Variants in NTRK2 observed in about 807,000 individuals in gnomAD.
NTRK2 encodes BDNF/NT-3 growth factors receptor.
Under a neutral mutation model 94.5 loss-of-function variants are expected in NTRK2, and 13 were observed. The ratio of observed to expected loss-of-function variants is 0.14; its 90% CI spans 0.09 to 0.22. NTRK2 has a LOEUF of 0.22. Ranked by LOEUF, NTRK2 falls within the 10% of genes least tolerant of loss-of-function variation. NTRK2 has a pLI of 1.00. For missense variants in NTRK2, 639 were observed against 1,071.2 expected, an observed-to-expected ratio of 0.60 and a Z score of 5.63; for synonymous variants, 372 against 407.4, an observed-to-expected ratio of 0.91 and a Z score of 1.05.
At chr9:84,813,910 ACCCT>A in intron 12 of NTRK2, 1 of 1,065,436 alleles carries the variant, frequency 9.4e-7, no homozygotes, top group Non-Finnish European at 1.1e-6. Flanking sequence ...GCCTCCAGAG[ACCCT>A]CTCAGGCTGC....
intron 16 of NTRK2, among the ~76,000 whole-genome samples, chr9:84,952,499 GT>G (rs1368321327): frequency 1.3e-5 from 2 of 152,170 alleles, no homozygotes; most frequent in Non-Finnish European, 2.9e-5. Context: ...GATGAAATGT[GT>G]TTTGATTTCT....
chr9:84,991,837 C>A (rs1588134166), intron 17 of NTRK2, among the ~76,000 whole-genome samples: 2 of 152,262 alleles, frequency 1.3e-5, no homozygotes, highest in Middle Eastern at 3.4e-3. Context: ...GGTCGAGATG[C>A]AATGAAGCAA....
At chr9:84,917,819 G>A (rs2077441196) in intron 14 of NTRK2, among the ~76,000 whole-genome samples, 2 of 152,140 alleles carry the variant, frequency 1.3e-5, no homozygotes, top group South Asian at 4.1e-4. Context: ...AAACAGTCAG[G>A]CGCCAGAGAG....
chr9:84,799,761 C>A (rs977090095), intron 12 of NTRK2, among the ~76,000 whole-genome samples: 35 of 152,056 alleles, frequency 2.3e-4, no homozygotes, highest in African/African-American at 8.5e-4. Flanking sequence ...AACAAGAAAT[C>A]TAACAGTTCA....
At chr9:84,811,619 A>T in intron 12 of NTRK2, 1 of 1,065,422 alleles carries the variant, frequency 9.4e-7, no homozygotes, top group African/African-American at 1.6e-5. Flanking sequence ...GATTCTAAGA[A>T]GGATAGTCCC....
intron 2 of NTRK2, among the ~76,000 whole-genome samples, chr9:84,676,524 A>C (rs1240843811): frequency 6.6e-6 from 1 of 152,294 alleles, no homozygotes; most frequent in Admixed American, 6.5e-5. Context: ...CCTCAGAAAG[A>C]GAAAGGGCTT....
rs192876015 is a variant in NTRK2, at chr9:84,706,752, G to A, written c.360-1092G>A. 5.4e-3 allele frequency among the ~76,000 whole-genome samples: 824 copies of A among 151,608 alleles called. 11 individuals are homozygous for A. The highest frequency in any genetic ancestry group is 0.019 in the African/African-American group (785 of 41,314). ...TCACTGTGTTAGCCAGGATGGTCTCGATCTCCTGACCTCATGATCCACCCA... is the reference window on the plus strand; with the variant it reads ...TCACTGTGTTAGCCAGGATGGTCTCAATCTCCTGACCTCATGATCCACCCA... On this transcript the variant is annotated intron_variant, in intron 4 of 18. Coordinates refer to ENST00000277120, the MANE Select transcript of NTRK2 (RefSeq NM_006180.6).
chr9:84,995,729 T>C (rs892707982), intron 17 of NTRK2, among the ~76,000 whole-genome samples: 1 of 152,176 alleles, frequency 6.6e-6, no homozygotes, highest in Non-Finnish European at 1.5e-5. Flanking sequence ...GGAATATGTG[T>C]TGGTTGTGTT....
rs1255023654 is a variant in NTRK2 at position 85,021,541 on chromosome 9, A to G, written c.*104A>G. 1.2e-5 allele frequency: 13 copies of G among 1,113,560 alleles called. No individual in the cohort carries two copies. In the East Asian group the frequency reaches 3.1e-4, roughly 26 times the overall value. 69.0% of individuals were successfully genotyped at this position (1,113,560 alleles called of 1,614,324 possible). On this transcript the variant is annotated 3_prime_UTR_variant, in exon 19 of 19. Transcript: ENST00000277120. ...GGAGGCCACCAAGCTGCTCTCCTTC[A>G]CTCTGACAGTATTAACATCAAAGAC...
chr9:84,751,251 A>G (rs2064577432), intron 11 of NTRK2, among the ~76,000 whole-genome samples: 1 of 152,208 alleles, frequency 6.6e-6, no homozygotes, highest in Non-Finnish European at 1.5e-5. Context: ...TAGAGAGAAT[A>G]GTAAAATGAA....
chr9:84,842,190 T>C (rs1248606896), intron 12 of NTRK2, among the ~76,000 whole-genome samples: 2 of 152,174 alleles, frequency 1.3e-5, no homozygotes, highest in Non-Finnish European at 2.9e-5. Flanking sequence ...TGTCTGGGTA[T>C]AGGACGTACT....
intron 9 of NTRK2, among the ~76,000 whole-genome samples, chr9:84,739,741 C>T (rs552816814): frequency 1.4e-4 from 21 of 152,144 alleles, no homozygotes; most frequent in Non-Finnish European, 2.8e-4. Context: ...AGCCCCAGAA[C>T]TAGAAAAAGC....
intron 9 of NTRK2, among the ~76,000 whole-genome samples, chr9:84,728,309 CA>C (rs2062605787): frequency 6.6e-6 from 1 of 152,000 alleles, no homozygotes; most frequent in African/African-American, 2.4e-5. Flanking sequence ...GTCACAGGGC[CA>C]AAGCCAAGTT....
At chr9:84,897,753 C>T (rs1351892544) in intron 14 of NTRK2, among the ~76,000 whole-genome samples, 1 of 152,200 alleles carries the variant, frequency 6.6e-6, no homozygotes, top group African/African-American at 2.4e-5. Context: ...TCTGCCTGGT[C>T]GTGCATGTGT....
intron 17 of NTRK2, among the ~76,000 whole-genome samples, chr9:85,018,437 G>C (rs565757477): frequency 6.6e-6 from 1 of 152,176 alleles, no homozygotes; most frequent in African/African-American, 2.4e-5. Flanking sequence ...CAAGGTGGCA[G>C]CAGCATCCCT....
intron 12 of NTRK2, among the ~76,000 whole-genome samples, chr9:84,775,492 A>T (rs966711668): frequency 8.5e-5 from 13 of 152,332 alleles, no homozygotes; most frequent in African/African-American, 3.1e-4. Flanking sequence ...TGCTTGCTAC[A>T]GTCCACAGAC....
intron 12 of NTRK2, among the ~76,000 whole-genome samples, chr9:84,779,313 A>G (rs1382315225): frequency 6.6e-6 from 1 of 152,170 alleles, no homozygotes; most frequent in Non-Finnish European, 1.5e-5. Flanking sequence ...CCCACGTCCA[A>G]GGGGGCTTGT....
At chr9:84,837,936 A>C (rs572759965) in intron 12 of NTRK2, among the ~76,000 whole-genome samples, 1 of 152,232 alleles carries the variant, frequency 6.6e-6, no homozygotes, top group Non-Finnish European at 1.5e-5. Flanking sequence ...CCATTATTTT[A>C]TCACATCCTG....
intron 12 of NTRK2, among the ~76,000 whole-genome samples, chr9:84,781,946 G>A (rs2133049499): frequency 6.6e-6 from 1 of 151,940 alleles, no homozygotes; most frequent in East Asian, 1.9e-4. Context: ...TTTAATGGAG[G>A]AATTTTCAAT....
Sources: allele counts gnomAD v4.1 joint callset (sites outside exome capture counted in the v4.1 genomes callset), GRCh38; gene constraint gnomAD v4.1.1; transcripts MANE v1.5; gene names NCBI Gene and HGNC (gene_info 2026-07-23, HGNC 2026-07-21).